Variants in SLC25A26 observed in about 807,000 individuals in gnomAD.
The protein encoded by SLC25A26 is solute carrier family 25 member 26.
In SLC25A26, 36 loss-of-function variants were observed where a neutral mutation model predicts 37.8. That is an observed-to-expected ratio of 0.95 (90% CI 0.73 to 1.26). The LOEUF is 1.26. Ranked by LOEUF, SLC25A26 falls within the 50% of genes most tolerant of loss-of-function variation. The probability of loss-of-function intolerance (pLI) is 0.00; values close to 1 mark genes in which losing one functional copy is unlikely to be tolerated. For missense variants in SLC25A26, 390 were observed against 331.1 expected, an observed-to-expected ratio of 1.18 and a Z score of -1.38; for synonymous variants, 129 against 122.5, an observed-to-expected ratio of 1.05 and a Z score of -0.35.
At chr3:66,135,112 T>A (rs900581550) in intron 1 of SLC25A26, among the ~76,000 whole-genome samples, 1 of 152,124 alleles carries the variant, frequency 6.6e-6, no homozygotes, top group African/African-American at 2.4e-5. Context: ...ATTACAGGAG[T>A]GAGCCACCAT....
At chr3:66,332,873 G>A (rs1256949990) in intron 5 of SLC25A26, among the ~76,000 whole-genome samples, 1 of 152,128 alleles carries the variant, frequency 6.6e-6, no homozygotes, top group Non-Finnish European at 1.5e-5. Flanking sequence ...CCCTCAATCA[G>A]AGATCTTTTT....
At chr3:66,232,119 T>C (rs997114237) in intron 1 of SLC25A26, among the ~76,000 whole-genome samples, 1 of 152,224 alleles carries the variant, frequency 6.6e-6, no homozygotes, top group African/African-American at 2.4e-5. Context: ...TAGTAATAAC[T>C]GGATCAAAGG....
Position 66,147,071 on chromosome 3 carries a change from T to C in SLC25A26, c.-354+13087T>C, listed in dbSNP as rs147974902. Reference sequence around the variant, plus strand: ...TCCCTTCCCTTCCCTTCCCTCCCCTTCCCTTCCCTCCCCTCCCCTCCCCTC... The same window carrying C: ...TCCCTTCCCTTCCCTTCCCTCCCCTCCCCTTCCCTCCCCTCCCCTCCCCTC... On this transcript the variant is annotated intron_variant, in intron 1 of 10. Transcript: ENST00000676754. Among the ~76,000 whole-genome samples the C allele has an allele frequency of 3.8e-3, 66 of 17,536 alleles. 1 individual carries two copies. The highest frequency in any genetic ancestry group is 8.2e-3 in the South Asian group (2 of 244). 11.5% of individuals were successfully genotyped at this position (17,536 alleles called of 152,430 possible). A position where few individuals can be genotyped will look rare whatever the true frequency, so the allele number is the denominator to read the frequency against.
chr3:66,273,906 G>A (rs964975598), intron 5 of SLC25A26, among the ~76,000 whole-genome samples: 4 of 151,948 alleles, frequency 2.6e-5, no homozygotes, highest in Admixed American at 2.6e-4. Flanking sequence ...CTACTTTAAA[G>A]TTCATATGGA....
Position 66,274,999 on chromosome 3 carries a change from G to C in SLC25A26, c.453+11620G>C, listed in dbSNP as rs375494935. Reference sequence around the variant, plus strand: ...CACAATAGCAAAGACTTGGAACCAAGCCAAATGTCCAACAATGATAGACTG... The same window carrying C: ...CACAATAGCAAAGACTTGGAACCAACCCAAATGTCCAACAATGATAGACTG... On this transcript the variant is annotated intron_variant, in intron 5 of 9. Coordinates refer to ENST00000354883, the MANE Select transcript of SLC25A26 (RefSeq NM_001379210.1). Among the ~76,000 whole-genome samples the C allele has an allele frequency of 4.9e-3, 747 of 151,944 alleles. 2 individuals carry two copies. Among genetic ancestry groups the C allele is most frequent in the Middle Eastern group, 6.8e-3 (2 of 294 alleles).
intron 3 of SLC25A26, among the ~76,000 whole-genome samples, chr3:66,249,764 C>T (rs1385638499): frequency 1.3e-5 from 2 of 152,202 alleles, no homozygotes; most frequent in African/African-American, 2.4e-5. Context: ...TAGAAGATAA[C>T]ATGGCTGCCC....
At chr3:66,365,163 C>T (rs1028690479) in intron 7 of SLC25A26, among the ~76,000 whole-genome samples, 3 of 152,216 alleles carry the variant, frequency 2.0e-5, no homozygotes, top group Admixed American at 6.5e-5. Flanking sequence ...ACACGCTGCA[C>T]TTGCAGACTT....
At chr3:66,338,736 C>T (rs373701656) in intron 5 of SLC25A26, among the ~76,000 whole-genome samples, 75 of 152,064 alleles carry the variant, frequency 4.9e-4, no homozygotes, top group African/African-American at 1.6e-3. Context: ...CAGCTTCTAA[C>T]GCAGTTCCCA....
intron 5 of SLC25A26, among the ~76,000 whole-genome samples, chr3:66,315,058 A>G (rs576541736): frequency 7.4e-5 from 11 of 148,160 alleles, no homozygotes; most frequent in Non-Finnish European, 1.3e-4. Flanking sequence ...TATTTTTTAA[A>G]AACTAGCTCC....
chr3:66,322,183 G>T (rs996734664), intron 5 of SLC25A26, among the ~76,000 whole-genome samples: 5 of 152,084 alleles, frequency 3.3e-5, no homozygotes, highest in Non-Finnish European at 5.9e-5. Context: ...AGATGTTTTT[G>T]TTTTCACATT....
Position 66,369,771 on chromosome 3 carries a change from G to A in SLC25A26, c.633+229G>A, listed in dbSNP as rs999741120. ...TTCACATAGGGCTGGTAGAGCCACT[G>A]CCTGGCAGTACCATCTTCAAATAAA... is the stretch of plus-strand genomic sequence containing the variant. On this transcript the variant is annotated intron_variant, in intron 8 of 9. Coordinates refer to ENST00000354883, the MANE Select transcript of SLC25A26 (RefSeq NM_001379210.1). Among the ~76,000 whole-genome samples the A allele has an allele frequency of 2.0e-5, 3 of 152,168 alleles. No homozygotes were observed. In the East Asian group the frequency reaches 5.8e-4, roughly 29 times the overall value.
intron 9 of SLC25A26, among the ~76,000 whole-genome samples, chr3:66,377,185 G>A (rs1323611171): frequency 6.6e-6 from 1 of 152,162 alleles, no homozygotes; most frequent in African/African-American, 2.4e-5. Flanking sequence ...TGATACCAAG[G>A]GGACTGTGCA....
At chr3:66,371,103 T>A in intron 9 of SLC25A26, 7 of 1,399,508 alleles carry the variant, frequency 5.0e-6, no homozygotes, top group Middle Eastern at 1.9e-4. Context: ...CTAAAAGCTC[T>A]CTCTGCAAGA....
chr3:66,209,911 TATATA>T (rs2071259781), intron 1 of SLC25A26, among the ~76,000 whole-genome samples: 16 of 27,450 alleles, frequency 5.8e-4, no homozygotes, highest in African/African-American at 2.0e-3. Context: ...TATATATATA[TATATA>T]TATATATATA....
intron 2 of SLC25A26, among the ~76,000 whole-genome samples, chr3:66,241,791 A>G (rs944767295): frequency 1.1e-4 from 17 of 152,112 alleles, no homozygotes; most frequent in Admixed American, 3.3e-4. Context: ...TTGTAAACCT[A>G]TGCTGCAGGA....
intron 1 of SLC25A26, among the ~76,000 whole-genome samples, chr3:66,181,286 G>A (rs1159043329): frequency 1.3e-5 from 2 of 152,188 alleles, no homozygotes; most frequent in African/African-American, 2.4e-5. Context: ...GACTAAGGTA[G>A]GCCTGGTTCA....
intron 1 of SLC25A26, among the ~76,000 whole-genome samples, chr3:66,172,984 T>G (rs1158203855): frequency 6.6e-6 from 1 of 152,190 alleles, no homozygotes; most frequent in African/African-American, 2.4e-5. Context: ...GGCTTCAACA[T>G]ATGAATTTGG....
chr3:66,354,761 G>A (rs1221765934), intron 6 of SLC25A26, among the ~76,000 whole-genome samples: 1 of 152,116 alleles, frequency 6.6e-6, no homozygotes, highest in Non-Finnish European at 1.5e-5. Context: ...AATTATGGGG[G>A]CAGATCTTTC....
intron 1 of SLC25A26, among the ~76,000 whole-genome samples, chr3:66,158,872 C>G (rs2070319202): frequency 6.6e-6 from 1 of 152,068 alleles, no homozygotes. Context: ...CTGAAGCCTG[C>G]TAAGAGTCTG....
Sources: gnomAD v4.1 joint callset for allele counts (sites outside exome capture counted in the v4.1 genomes callset) on GRCh38, gnomAD v4.1.1 for gene constraint, MANE v1.5 for transcripts, NCBI Gene and HGNC (gene_info 2026-07-23, HGNC 2026-07-21) for gene names.